Variants in TAF1 observed in about 807,000 individuals in gnomAD.
The protein encoded by TAF1 is transcription initiation factor TFIID subunit 1.
Under a neutral mutation model 138.5 loss-of-function variants are expected in TAF1, and 2 were observed. That is an observed-to-expected ratio of 0.01 (90% CI 0.01 to 0.05). The LOEUF (loss-of-function observed/expected upper bound fraction) is 0.05. Among genes scored for constraint, TAF1 ranks in the 10% least tolerant of loss-of-function variants. TAF1 has a pLI of 1.00. For synonymous variants in TAF1, 437 were observed against 503.2 expected (o/e 0.87, Z 1.76); for missense variants, 709 against 1,478.0 (o/e 0.48, Z 8.53).
intron 22 of TAF1, among the ~76,000 whole-genome samples, chrX:71,395,087 A>G (rs1200327891): frequency 1.8e-5 from 2 of 111,820 alleles, no homozygotes; most frequent in African/African-American, 6.5e-5. Context: ...AATTGTAGAA[A>G]TTGAGGGTGG....
At position 71,516,886 on chromosome X, in the gene TAF1, CT is replaced by C. The variant is rs772331171; in HGVS notation, c.1367-11647del. On this transcript the variant is annotated intron_variant and NMD_transcript_variant, in intron 13 of 14. Coordinates refer to the TAF1 transcript ENST00000373775. ...CTCCCAGCTCATTTTTTCTTAATTT[CT>C]TTTTTTTTAATTTTTATTTTTAGCA... Among the ~76,000 whole-genome samples, 9 of 108,355 alleles carry C rather than the reference CT, an allele frequency of 8.3e-5. No individual in the cohort carries two copies. In the East Asian group the frequency reaches 1.1e-3, roughly 14 times the overall value. 94.1% of individuals were successfully genotyped at this position (108,355 alleles called of 115,157 possible).
chrX:71,513,495 G>A (rs2147614570), intron 13 of TAF1, among the ~76,000 whole-genome samples: 1 of 111,499 alleles, frequency 9.0e-6, no homozygotes, highest in South Asian at 3.8e-4. Context: ...CCCACCCAAC[G>A]TTAGAGGTCT....
intron 32 of TAF1, among the ~76,000 whole-genome samples, chrX:71,426,582 G>T (rs1377610816): frequency 9.0e-6 from 1 of 110,801 alleles, no homozygotes; most frequent in African/African-American, 3.3e-5. Flanking sequence ...GGGCATGGTG[G>T]TGCATGCCTG....
In TAF1 at chrX:71,464,261, C is replaced by A; in HGVS notation, c.*215C>A. On this transcript the variant is annotated 3_prime_UTR_variant, in exon 38 of 38. Coordinates refer to ENST00000423759, the MANE Select transcript of TAF1 (RefSeq NM_004606.5). ...ACCCTTTGATTTAAAACAAAGCAAC[C>A]CCCTTTCCCCTACCACTACGGAAAA... 1 of 415,935 alleles carries A rather than the reference C, an allele frequency of 2.4e-6. No homozygotes were observed. The highest frequency in any genetic ancestry group is 4.1e-6 in the Non-Finnish European group (1 of 242,372). The allele number at this position is 415,935 out of a possible 1,213,427, so 34.3% of individuals were successfully genotyped here.
chrX:71,529,322 C>T (rs2040060041), intron 14 of TAF1, among the ~76,000 whole-genome samples: 1 of 110,810 alleles, frequency 9.0e-6, no homozygotes, highest in African/African-American at 3.3e-5. Context: ...CTGCCTGCTT[C>T]AGCCTCCCAA....
chrX:71,506,967 C>A (rs755373637), intron 13 of TAF1, among the ~76,000 whole-genome samples: 1 of 111,519 alleles, frequency 9.0e-6, no homozygotes, highest in Non-Finnish European at 1.9e-5. Context: ...AAAAGACAGA[C>A]ACAAAGGTCA....
At chrX:71,386,413 T>C (rs905126915) in intron 14 of TAF1, among the ~76,000 whole-genome samples, 3 of 111,764 alleles carry the variant, frequency 2.7e-5, no homozygotes, top group Non-Finnish European at 3.8e-5. Flanking sequence ...GTTTTCCTTT[T>C]GTTTTTTCCC....
intron 22 of TAF1, 150 bp from the exon 23 acceptor site, chrX:71,397,103 A>G: frequency 5.4e-6 from 3 of 560,087 alleles, no homozygotes; most frequent in Non-Finnish European, 8.7e-6. Flanking sequence ...ACAAATCAGC[A>G]TATTCTTGGG....
chrX:71,508,270 G>T (rs1471110668), intron 13 of TAF1, among the ~76,000 whole-genome samples: 8 of 108,828 alleles, frequency 7.4e-5, no homozygotes, highest in Non-Finnish European at 1.5e-4. Context: ...ATCACAGCCT[G>T]CGGGTGTTTT....
At chrX:71,450,819 A>G (rs2037922740) in intron 32 of TAF1, among the ~76,000 whole-genome samples, 6 of 112,653 alleles carry the variant, frequency 5.3e-5, no homozygotes, top group Admixed American at 2.8e-4. Flanking sequence ...TATTAAAAGA[A>G]CATTTTAAGT....
At chrX:71,375,579 C>T (rs1242730956) in intron 4 of TAF1, among the ~76,000 whole-genome samples, 1 of 111,113 alleles carries the variant, frequency 9.0e-6, no homozygotes, top group African/African-American at 3.3e-5. Context: ...ACCTGACTTT[C>T]ACCCCTTGAG....
intron 25 of TAF1, among the ~76,000 whole-genome samples, chrX:71,406,343 AAAAG>A (rs200602759): frequency 0.014 from 1,507 of 108,247 alleles, 19 homozygotes; most frequent in African/African-American, 0.038. Context: ...AAAAAAAAAA[AAAAG>A]AGAATGTTGG....
At chrX:71,516,361 C>T (rs781209348) in intron 13 of TAF1, among the ~76,000 whole-genome samples, 4 of 108,758 alleles carry the variant, frequency 3.7e-5, no homozygotes, top group South Asian at 4.0e-4. Flanking sequence ...CATTAGCCAC[C>T]GTGCCCAGCC....
At chrX:71,502,875 T>C (rs1317921346) in intron 13 of TAF1, among the ~76,000 whole-genome samples, 1 of 110,245 alleles carries the variant, frequency 9.1e-6, no homozygotes, top group Non-Finnish European at 1.9e-5. Flanking sequence ...AAGGCAGAGG[T>C]TGCAGTGAGC....
intron 32 of TAF1, among the ~76,000 whole-genome samples, chrX:71,443,139 T>G (rs1210655030): frequency 2.7e-5 from 3 of 111,924 alleles, no homozygotes; most frequent in African/African-American, 9.7e-5. Flanking sequence ...GTCTTGGCAA[T>G]GTGGGCTCTT....
intron 1 of TAF1, 84 bp downstream of exon 1, chrX:71,366,578 C>G: frequency 1.0e-6 from 1 of 977,761 alleles, no homozygotes; most frequent in East Asian, 3.4e-5. Flanking sequence ...AGAGGGTGCT[C>G]AGGCAGCGAG....
At chrX:71,515,123 T>G (rs777544161) in intron 13 of TAF1, among the ~76,000 whole-genome samples, 2 of 111,741 alleles carry the variant, frequency 1.8e-5, no homozygotes, top group Non-Finnish European at 3.8e-5. Context: ...CAGGTAGGAA[T>G]AGAGCCCCAG....
At chrX:71,398,484 T>G in intron 23 of TAF1, 88 bp from the exon 24 acceptor site, 8 of 1,115,404 alleles carry the variant, frequency 7.2e-6, no homozygotes, top group Non-Finnish European at 9.6e-6. Context: ...ACTTTAGTCC[T>G]GAGATGTTAG....
chrX:71,395,619 G>A (rs918873793), intron 22 of TAF1, among the ~76,000 whole-genome samples: 19 of 111,822 alleles, frequency 1.7e-4, no homozygotes, highest in African/African-American at 6.2e-4. Flanking sequence ...CTGCGAGAGA[G>A]GATAAAGGCT....
Sources: allele counts gnomAD v4.1 joint callset (sites outside exome capture counted in the v4.1 genomes callset), GRCh38; gene constraint gnomAD v4.1.1; transcripts MANE v1.5; gene names NCBI Gene and HGNC (gene_info 2026-07-23, HGNC 2026-07-21).